The following TBC1D32 variants were observed in gnomAD, a reference collection of about 807,000 sequenced individuals.
TBC1D32 encodes protein broad-minded.
TBC1D32 carries 151 observed loss-of-function variants against 170.3 expected under a neutral mutation model. The ratio of observed to expected loss-of-function variants is 0.89; its 90% CI spans 0.78 to 1.01. The LOEUF (loss-of-function observed/expected upper bound fraction) is 1.01, where lower values mean the gene tolerates loss of function less well. Ranked by LOEUF, TBC1D32 falls within the 50% of genes least tolerant of loss-of-function variation. The pLI is 0.00. For synonymous variants in TBC1D32, 498 were observed against 488.0 expected (o/e 1.02, Z -0.27); for missense variants, 1,464 against 1,457.1 (o/e 1.00, Z -0.08).
At chr6:121,176,757 C>A (rs1441775336) in intron 22 of TBC1D32, among the ~76,000 whole-genome samples, 1 of 152,202 alleles carries the variant, frequency 6.6e-6, no homozygotes, top group South Asian at 2.1e-4. Context: ...CGCCACCACG[C>A]CCAGCTAATT....
At chr6:121,320,699 CAT>C (rs1408704578) in intron 2 of TBC1D32, among the ~76,000 whole-genome samples, 3 of 152,054 alleles carry the variant, frequency 2.0e-5, no homozygotes, top group Admixed American at 1.3e-4. Context: ...CAATTGCTAA[CAT>C]ATTAATTTAA....
At chr6:121,319,491 G>A (rs1583738081) in intron 2 of TBC1D32, among the ~76,000 whole-genome samples, 2 of 152,046 alleles carry the variant, frequency 1.3e-5, no homozygotes, top group East Asian at 1.9e-4. Context: ...CTGGTCACAG[G>A]ACTAAACTAC....
intron 31 of TBC1D32, among the ~76,000 whole-genome samples, chr6:121,085,696 A>G (rs1240562690): frequency 6.6e-6 from 1 of 152,078 alleles, no homozygotes; most frequent in Non-Finnish European, 1.5e-5. Flanking sequence ...ATTAATTTTC[A>G]TAAGTACCCT....
intron 27 of TBC1D32, among the ~76,000 whole-genome samples, chr6:121,114,262 G>A (rs2128199637): frequency 6.6e-6 from 1 of 152,210 alleles, no homozygotes; most frequent in South Asian, 2.1e-4. Flanking sequence ...GTAGCTGCTG[G>A]AGTCAAAATT....
intron 26 of TBC1D32, among the ~76,000 whole-genome samples, chr6:121,116,306 T>C (rs1779676397): frequency 1.3e-5 from 2 of 152,028 alleles, no homozygotes; most frequent in Non-Finnish European, 2.9e-5. Flanking sequence ...CAAGAAGCTA[T>C]GAGGGATAAA....
At chr6:121,083,281 G>C (rs1329633050) in intron 31 of TBC1D32, among the ~76,000 whole-genome samples, 2 of 151,980 alleles carry the variant, frequency 1.3e-5, no homozygotes, top group Admixed American at 1.3e-4. Context: ...TAACCGTATA[G>C]TATTTGCTCA....
Position 121,140,895 on chromosome 6 carries a change from G to T in TBC1D32, c.2774-9143C>A, listed in dbSNP as rs1202153520. Among the ~76,000 whole-genome samples the T allele has an allele frequency of 5.3e-5, 8 of 152,160 alleles. No homozygotes were observed. In the East Asian group the frequency reaches 1.5e-3, roughly 29 times the overall value. The stretch of plus-strand genomic sequence containing the variant: ...CTCTAGAACATGAGTCAAATCAGAG[G>T]TTATTCCAAATATGAGTAAAAATTC... On this transcript the variant is annotated intron_variant, in intron 24 of 31. Transcript: ENST00000398212.
chr6:121,249,435 T>C (rs1798018249), intron 17 of TBC1D32, among the ~76,000 whole-genome samples: 2 of 151,932 alleles, frequency 1.3e-5, no homozygotes, highest in Non-Finnish European at 2.9e-5. Context: ...TCACCACTTC[T>C]ATTTGACATA....
intron 31 of TBC1D32, among the ~76,000 whole-genome samples, chr6:121,083,212 ATTAT>A (rs1445613100): frequency 1.3e-5 from 2 of 151,444 alleles, no homozygotes; most frequent in Admixed American, 6.6e-5. Flanking sequence ...AAATGCCTTG[ATTAT>A]TTAAGTAGCA....
intron 20 of TBC1D32, among the ~76,000 whole-genome samples, chr6:121,233,666 A>G (rs1796005657): frequency 6.6e-6 from 1 of 152,130 alleles, no homozygotes; most frequent in Non-Finnish European, 1.5e-5. Flanking sequence ...CCGTTCTGCC[A>G]TTCTGTATCT....
At chr6:121,156,143 C>CT (rs200378071) in intron 24 of TBC1D32, among the ~76,000 whole-genome samples, 10,647 of 137,790 alleles carry the variant, frequency 0.077, 640 homozygotes, top group Admixed American at 0.22. Context: ...TGGTCCCAGG[C>CT]TTTTTTTTTT....
At chr6:121,133,569 A>G (rs949289187) in intron 24 of TBC1D32, among the ~76,000 whole-genome samples, 2 of 152,050 alleles carry the variant, frequency 1.3e-5, no homozygotes, top group Non-Finnish European at 2.9e-5. Flanking sequence ...GTATTGCTGC[A>G]TGATCCTCAT....
At chr6:121,261,020 C>G (rs1012094881) in intron 15 of TBC1D32, among the ~76,000 whole-genome samples, 3 of 152,160 alleles carry the variant, frequency 2.0e-5, no homozygotes, top group African/African-American at 7.2e-5. Context: ...TGTGGCAGAT[C>G]TTGGCCAGAT....
At chr6:121,088,687 C>CA (rs895712926) in intron 31 of TBC1D32, among the ~76,000 whole-genome samples, 2 of 152,000 alleles carry the variant, frequency 1.3e-5, no homozygotes, top group African/African-American at 4.8e-5. Flanking sequence ...TGGTATCTAT[C>CA]AAAAAAACAT....
chr6:121,300,690 G>A (rs766141857), intron 9 of TBC1D32, among the ~76,000 whole-genome samples: 1 of 152,056 alleles, frequency 6.6e-6, no homozygotes, highest in Non-Finnish European at 1.5e-5. Flanking sequence ...TTGACAAATG[G>A]GACCTGATTA....
chr6:121,108,679 C>T (rs1035461237), intron 29 of TBC1D32, among the ~76,000 whole-genome samples: 3 of 151,876 alleles, frequency 2.0e-5, no homozygotes, highest in African/African-American at 7.2e-5. Flanking sequence ...ACATAACAGT[C>T]TTAGTTTTTT....
chr6:121,168,783 C>A (rs1222532857), intron 22 of TBC1D32, among the ~76,000 whole-genome samples: 1 of 148,506 alleles, frequency 6.7e-6, no homozygotes, highest in African/African-American at 2.5e-5. Context: ...AACAGGCAAG[C>A]CAAGAGCCAA....
Position 121,190,041 on chromosome 6 carries a change from T to C in TBC1D32, c.2570+15034A>G, listed in dbSNP as rs74484333. Reference sequence around the variant, plus strand: ...GTAGATTTTAAAACACCACACACTATATAATTTCTTTCTTTCTCCTAGCCC... The same window carrying C: ...GTAGATTTTAAAACACCACACACTACATAATTTCTTTCTTTCTCCTAGCCC... On this transcript the variant is annotated intron_variant, in intron 22 of 31. Coordinates refer to ENST00000398212, the MANE Select transcript of TBC1D32 (RefSeq NM_152730.6). Among the ~76,000 whole-genome samples, 498 of 149,122 alleles carry C rather than the reference T, an allele frequency of 3.3e-3. 5 individuals are homozygous for C. Among genetic ancestry groups the C allele is most frequent in the African/African-American group, 0.012 (475 of 40,332 alleles).
intron 10 of TBC1D32, among the ~76,000 whole-genome samples, chr6:121,298,500 C>T (rs1010861632): frequency 2.6e-5 from 4 of 152,002 alleles, no homozygotes; most frequent in African/African-American, 9.7e-5. Context: ...TCTATTCTAG[C>T]AAGATCAGTC....
Sources: gnomAD v4.1 joint callset for allele counts (sites outside exome capture counted in the v4.1 genomes callset) on GRCh38, gnomAD v4.1.1 for gene constraint, MANE v1.5 for transcripts, NCBI Gene and HGNC (gene_info 2026-07-23, HGNC 2026-07-21) for gene names.